Variants in ADCY8 observed in about 807,000 individuals in gnomAD.
ADCY8 encodes the protein adenylate cyclase 8, also known as adenylate cyclase type 8.
A neutral mutation model predicts 119.7 loss-of-function variants in ADCY8; 51 were observed. The observed-to-expected ratio is 0.43, with a 90% confidence interval of 0.34 to 0.54. The LOEUF is 0.54. Among genes scored for constraint, ADCY8 ranks in the 20% least tolerant of loss-of-function variants. ADCY8 has a pLI of 0.03. For missense variants in ADCY8, 1,383 were observed against 1,598.8 expected, an observed-to-expected ratio of 0.87 and a Z score of 2.30; for synonymous variants, 665 against 651.0, an observed-to-expected ratio of 1.02 and a Z score of -0.33.
intron 9 of ADCY8, among the ~76,000 whole-genome samples, chr8:130,857,438 TTG>T (rs1817781400): frequency 6.6e-6 from 1 of 152,218 alleles, no homozygotes; most frequent in African/African-American, 2.4e-5. Context: ...AATCTGTAAC[TTG>T]TCTCTTTATC....
intron 6 of ADCY8, among the ~76,000 whole-genome samples, chr8:130,908,838 C>T (rs1201163596): frequency 2.6e-5 from 4 of 152,136 alleles, no homozygotes; most frequent in East Asian, 1.9e-4. Flanking sequence ...CCTAGTTACT[C>T]TGATTCCACC....
At chr8:131,012,277 A>T (rs1311479999) in intron 1 of ADCY8, among the ~76,000 whole-genome samples, 2 of 152,174 alleles carry the variant, frequency 1.3e-5, no homozygotes, top group Admixed American at 6.5e-5. Context: ...AGAGGCTCAG[A>T]GCACTCAGAG....
rs56251739 is a variant in ADCY8 at position 130,909,977 on chromosome 8, G to A, written c.1482-111C>T. On this transcript the variant is annotated intron_variant, in intron 5 of 17. Coordinates refer to ENST00000286355, the MANE Select transcript of ADCY8 (RefSeq NM_001115.3). ...TTTTGAGACGGAGTTTTGCTCTGTC[G>A]CCCAGGCTGGAGTGCAATGGAGCTG... The A allele has an allele frequency of 4.5e-5, 46 of 1,011,324 alleles. No individual in the cohort carries two copies. In the Admixed American group the frequency reaches 4.7e-4, roughly 10 times the overall value. The allele number at this position is 1,011,324 out of a possible 1,614,324, so 62.6% of individuals were successfully genotyped here.
chr8:130,888,347 G>A (rs965014862), intron 7 of ADCY8, among the ~76,000 whole-genome samples: 5 of 151,988 alleles, frequency 3.3e-5, no homozygotes, highest in Non-Finnish European at 7.4e-5. Context: ...GATTGAAGCA[G>A]CAATGTAATA....
intron 5 of ADCY8, among the ~76,000 whole-genome samples, chr8:130,928,556 A>G (rs1422361670): frequency 6.6e-6 from 1 of 152,120 alleles, no homozygotes; most frequent in Non-Finnish European, 1.5e-5. Context: ...TTATTCTGTC[A>G]TTGTGATGTA....
At chr8:130,927,811 C>T (rs962579176) in intron 5 of ADCY8, among the ~76,000 whole-genome samples, 5 of 152,034 alleles carry the variant, frequency 3.3e-5, no homozygotes, top group East Asian at 3.9e-4. Context: ...CTTGTTTGAC[C>T]GCTCTAGCTG....
intron 15 of ADCY8, among the ~76,000 whole-genome samples, chr8:130,790,342 G>A (rs985899489): frequency 7.9e-5 from 12 of 152,138 alleles, no homozygotes; most frequent in South Asian, 2.1e-4. Context: ...AGGGTGAAAC[G>A]TCAAAGCCTC....
chr8:130,828,343 C>T (rs913073752), intron 12 of ADCY8, among the ~76,000 whole-genome samples: 3 of 152,140 alleles, frequency 2.0e-5, no homozygotes, highest in African/African-American at 7.2e-5. Flanking sequence ...CCCCCCCACC[C>T]ACAGTGAGTG....
rs1488446542 is a variant in ADCY8 at position 130,783,704 on chromosome 8, A to T, written c.3255T>A (p.Phe1085Leu). 6.2e-7 allele frequency: 1 copy of T among 1,613,148 alleles called. No individual in the cohort carries two copies. The highest frequency in any genetic ancestry group is 8.5e-7 in the Non-Finnish European group (1 of 1,179,492). ...GCTGCTACTCACCAATCCGGAGTTC[A>T]AAATTGTTGAATGAATGCTTGTTGA... ...QEINKHSFNNFELRIGISHGS... is the reference protein window; with the variant it reads ...QEINKHSFNNLELRIGISHGS... The change falls in exon 17 of 18, where the codon TTT becomes TTA. Residue 1085 changes from phenylalanine (F) to leucine (L), a missense_variant. By Grantham distance (22) the Phe-to-Leu change is conservative (BLOSUM62 0). This residue lies in a region of ADCY8 where 928 missense variants were observed against 1,163.5 expected (regional missense o/e 0.80). Coordinates refer to ENST00000286355, the MANE Select transcript of ADCY8 (RefSeq NM_001115.3).
chr8:130,960,674 A>G (rs1821573384), intron 2 of ADCY8, among the ~76,000 whole-genome samples: 1 of 152,142 alleles, frequency 6.6e-6, no homozygotes, highest in African/African-American at 2.4e-5. Context: ...GGCTAGTGCC[A>G]GAAGATACAG....
chr8:131,019,695 T>C (rs957068557), intron 1 of ADCY8, among the ~76,000 whole-genome samples: 1 of 152,096 alleles, frequency 6.6e-6, no homozygotes, highest in African/African-American at 2.4e-5. Context: ...TTAACAAACA[T>C]GGGATGCTGA....
chr8:130,940,296 T>C (rs1486551131), intron 4 of ADCY8, among the ~76,000 whole-genome samples: 2 of 152,138 alleles, frequency 1.3e-5, no homozygotes, highest in Non-Finnish European at 2.9e-5. Context: ...AAGTCCAGAA[T>C]GGTAGGTCTC....
At chr8:130,940,551 A>C (rs564292424) in intron 4 of ADCY8, among the ~76,000 whole-genome samples, 6 of 152,112 alleles carry the variant, frequency 3.9e-5, no homozygotes, top group African/African-American at 1.4e-4. Context: ...TAATACATTA[A>C]AGGCCTGGAT....
At chr8:130,999,842 T>C (rs1042853769) in intron 1 of ADCY8, among the ~76,000 whole-genome samples, 2 of 152,180 alleles carry the variant, frequency 1.3e-5, no homozygotes, top group Non-Finnish European at 2.9e-5. Flanking sequence ...AGACAGAAAA[T>C]AAAGGAACGA....
intron 11 of ADCY8, among the ~76,000 whole-genome samples, chr8:130,841,891 A>G (rs946439804): frequency 1.3e-5 from 2 of 152,218 alleles, no homozygotes; most frequent in Non-Finnish European, 2.9e-5. Flanking sequence ...AAGTGTGTCC[A>G]GGCAAATGAC....
chr8:130,803,291 CAGAGGGGGTTT>C (rs1234043357), intron 14 of ADCY8, among the ~76,000 whole-genome samples: 2 of 152,200 alleles, frequency 1.3e-5, no homozygotes, highest in South Asian at 4.1e-4. Flanking sequence ...CCACAAGTCA[CAGAGGGGGTTT>C]AGAGGCTGCA....
intron 1 of ADCY8, among the ~76,000 whole-genome samples, chr8:131,004,614 G>T (rs1195655734): frequency 1.3e-5 from 2 of 152,150 alleles, no homozygotes; most frequent in African/African-American, 2.4e-5. Flanking sequence ...ATTCATCACG[G>T]TGCTGCTTCT....
In ADCY8 at chr8:131,040,153, C is replaced by G. The variant is rs1824332551; in HGVS notation, c.181G>C (p.Gly61Arg). The G allele has an allele frequency of 3.3e-6, 5 of 1,532,796 alleles. No homozygotes were observed. The highest frequency in any genetic ancestry group is 4.4e-6 in the Non-Finnish European group (5 of 1,145,382). 94.9% of individuals were successfully genotyped at this position (1,532,796 alleles called of 1,614,324 possible). A position where few individuals can be genotyped will look rare whatever the true frequency, so the allele number is the denominator to read the frequency against. ...IHGHRGGSGS[G>R]SGGSGKASDP... ...GAGGCTTTGCCCGAGCCTCCACTCCCGCTGCCGCTGCCTCCCCGGTGCCCG... is the reference window on the plus strand; with the variant it reads ...GAGGCTTTGCCCGAGCCTCCACTCCGGCTGCCGCTGCCTCCCCGGTGCCCG... Residue 61 changes from glycine to arginine, a missense_variant, in exon 1 of 18, where the codon GGG becomes CGG. Gly to Arg is a moderately radical substitution (Grantham distance 125, BLOSUM62 -2). Coordinates refer to ENST00000286355, the MANE Select transcript of ADCY8 (RefSeq NM_001115.3).
intron 1 of ADCY8, among the ~76,000 whole-genome samples, chr8:131,028,757 T>C (rs1348265141): frequency 6.6e-6 from 1 of 152,166 alleles, no homozygotes; most frequent in Non-Finnish European, 1.5e-5. Flanking sequence ...CACCTATCCA[T>C]TTTTTACGCT....
Sources: gnomAD v4.1 joint callset for allele counts (sites outside exome capture counted in the v4.1 genomes callset) on GRCh38, gnomAD v4.1.1 for gene constraint, gnomAD v4.1.1 regional missense constraint, MANE v1.5 for transcripts, NCBI Gene and HGNC (gene_info 2026-07-23, HGNC 2026-07-21) for gene names.